ST3GAL5: variants seen among roughly 807,000 people sequenced by gnomAD.
ST3GAL5 encodes the protein ST3 beta-galactoside alpha-2,3-sialyltransferase 5.
A neutral mutation model predicts 46.1 loss-of-function variants in ST3GAL5; 25 were observed. The observed-to-expected ratio is 0.54, with a 90% CI of 0.40 to 0.76. ST3GAL5 has a LOEUF of 0.76. ST3GAL5 is among the 30% of genes least tolerant of loss of function. The pLI is 0.00. For synonymous variants in ST3GAL5, 182 were observed against 192.7 expected, an observed-to-expected ratio of 0.94 and a Z score of 0.46; for missense variants, 431 against 521.2, an observed-to-expected ratio of 0.83 and a Z score of 1.69.
intron 3 of ST3GAL5, chr2:85,855,059 A>G (rs1167975337): frequency 6.6e-6 from 1 of 152,276 alleles, no homozygotes; most frequent in Admixed American, 6.5e-5. Context: ...ATGCAAAAGG[A>G]TGACCTTGGA....
intron 1 of ST3GAL5, among the ~76,000 whole-genome samples, chr2:85,872,297 G>A (rs1193896160): frequency 6.6e-6 from 1 of 152,144 alleles, no homozygotes; most frequent in East Asian, 1.9e-4. Context: ...GTCCTTGAGG[G>A]GAGATGATGA....
chr2:85,861,658 A>AC (rs1044498551), intron 2 of ST3GAL5, among the ~76,000 whole-genome samples: 26 of 150,950 alleles, frequency 1.7e-4, no homozygotes, highest in African/African-American at 6.1e-4. Context: ...AAAAAAAAAA[A>AC]AAAAAGAAAA....
chr2:85,872,244 C>T (rs942510717), intron 1 of ST3GAL5, among the ~76,000 whole-genome samples: 7 of 152,094 alleles, frequency 4.6e-5, no homozygotes, highest in African/African-American at 1.4e-4. Context: ...GGACAAACCT[C>T]GGTCCCAATC....
chr2:85,840,624 T>G, intron 6 of ST3GAL5: 1 of 559,844 alleles, frequency 1.8e-6, no homozygotes, highest in Non-Finnish European at 3.2e-6. Context: ...AGGGGCAGCC[T>G]GACAATTCTT....
At chr2:85,844,620 A>G (rs1682550366) in intron 5 of ST3GAL5, 66 bp from the exon 6 acceptor site, 1 of 1,605,966 alleles carries the variant, frequency 6.2e-7, no homozygotes, top group Non-Finnish European at 8.5e-7. Context: ...ATTCCCACTC[A>G]TCAGACCAAG....
intron 1 of ST3GAL5, among the ~76,000 whole-genome samples, chr2:85,870,942 CAT>C (rs1685855328): frequency 6.6e-6 from 1 of 151,902 alleles, no homozygotes; most frequent in African/African-American, 2.4e-5. Flanking sequence ...TGGAATCCTA[CAT>C]GTTTATGGAA....
chr2:85,860,031 T>C (rs1423512530), intron 3 of ST3GAL5, among the ~76,000 whole-genome samples: 1 of 152,192 alleles, frequency 6.6e-6, no homozygotes, highest in Non-Finnish European at 1.5e-5. Context: ...CAAGCCGGGC[T>C]TCACCACGTA....
chr2:85,864,468 C>T (rs1685061355), intron 1 of ST3GAL5, among the ~76,000 whole-genome samples: 1 of 151,814 alleles, frequency 6.6e-6, no homozygotes, highest in African/African-American at 2.4e-5. Context: ...CTTACTAAAC[C>T]TGGGAGATGG....
rs190297485 is a variant in ST3GAL5, at chr2:85,837,729, A to C, written c.*2415T>G. 3 of 152,338 alleles carry C rather than the reference A, an allele frequency of 2.0e-5. No individual in the cohort carries two copies. The highest frequency in any genetic ancestry group is 7.2e-5 in the African/African-American group (3 of 41,580). 9.4% of individuals were successfully genotyped at this position (152,338 alleles called of 1,614,324 possible). A position where few individuals can be genotyped will look rare whatever the true frequency, so the allele number is the denominator to read the frequency against. ...TGTATCAATCAAAAATTAAAATTAA[A>C]AAACCCTAAAACTGAAATTTTCTGC... is the stretch of plus-strand genomic sequence containing the variant. On this transcript the variant is annotated 3_prime_UTR_variant, in exon 7 of 7. Transcript: ENST00000638572.
At chr2:85,863,873 A>T (rs1684993653) in intron 1 of ST3GAL5, among the ~76,000 whole-genome samples, 1 of 151,948 alleles carries the variant, frequency 6.6e-6, no homozygotes, top group South Asian at 2.1e-4. Flanking sequence ...ATGCCAGGCT[A>T]ATTTTTGTAT....
chr2:85,844,127 G>A (rs1682475594), intron 6 of ST3GAL5, among the ~76,000 whole-genome samples: 1 of 152,132 alleles, frequency 6.6e-6, no homozygotes, highest in Non-Finnish European at 1.5e-5. Flanking sequence ...ATGGAGTCCT[G>A]GAGTAAGAAT....
rs972221568 is a variant in ST3GAL5 at position 85,888,780 on chromosome 2, C to A, written c.82+44G>T. ...GACAAGTCGCCGCCGCAGCCCCCAG[C>A]CCGCGGGCCCCCGCGACGCCGAGGA... is the stretch of plus-strand genomic sequence containing the variant. On this transcript the variant is annotated intron_variant, in intron 1 of 6. Coordinates refer to ENST00000638572, the MANE Select transcript of ST3GAL5 (RefSeq NM_003896.4). 4.2e-5 allele frequency: 49 copies of A among 1,174,364 alleles called. No individual in the cohort carries two copies. The African/African-American group carries it at 7.3e-4, about 17-fold the overall frequency. The allele number at this position is 1,174,364 out of a possible 1,614,324, so 72.7% of individuals were successfully genotyped here.
At chr2:85,870,254 A>G (rs1324402420) in intron 1 of ST3GAL5, 1 of 470,222 alleles carries the variant, frequency 2.1e-6, no homozygotes, top group African/African-American at 2.0e-5. Context: ...CTGTCTTCAC[A>G]GTGCCTAGGA....
chr2:85,840,451 T>C, intron 6 of ST3GAL5, 59 bp from the exon 7 acceptor site: 2 of 1,588,910 alleles, frequency 1.3e-6, no homozygotes, highest in Non-Finnish European at 8.6e-7. Flanking sequence ...AGTCACCATT[T>C]TGCTGGTATT....
intron 1 of ST3GAL5, among the ~76,000 whole-genome samples, chr2:85,873,975 C>G (rs1686242869): frequency 6.6e-6 from 1 of 152,172 alleles, no homozygotes; most frequent in African/African-American, 2.4e-5. Flanking sequence ...TTTCTCACAG[C>G]TGGAGGAAAG....
At chr2:85,878,330 G>T (rs1009512876) in intron 1 of ST3GAL5, among the ~76,000 whole-genome samples, 26 of 152,250 alleles carry the variant, frequency 1.7e-4, no homozygotes, top group African/African-American at 6.0e-4. Context: ...TTAACATTCT[G>T]GTCTGTATTC....
intron 3 of ST3GAL5, chr2:85,860,914 G>T: frequency 2.2e-6 from 1 of 454,708 alleles, no homozygotes; most frequent in South Asian, 2.4e-5. Context: ...TTAATTCCAG[G>T]AGAGGAGCCC....
rs1681799926 is a variant in ST3GAL5 at position 85,839,883 on chromosome 2, A to G, written c.*261T>C. Reference sequence around the variant, plus strand: ...TCTTAAAAATCAATACAACATCGTTACATACAATTCTCTTTGAGAAGTCTT... The same window carrying G: ...TCTTAAAAATCAATACAACATCGTTGCATACAATTCTCTTTGAGAAGTCTT... On this transcript the variant is annotated 3_prime_UTR_variant, in exon 7 of 7. Coordinates refer to ENST00000638572, the MANE Select transcript of ST3GAL5 (RefSeq NM_003896.4). 1 of 523,494 alleles carries G rather than the reference A, an allele frequency of 1.9e-6. No individual in the cohort carries two copies. 32.4% of individuals were successfully genotyped at this position (523,494 alleles called of 1,614,324 possible).
chr2:85,861,154 T>C, intron 3 of ST3GAL5, 27 bp downstream of exon 3: 1 of 1,433,080 alleles, frequency 7.0e-7, no homozygotes, highest in Non-Finnish European at 9.8e-7. Context: ...ATGTTTTCAT[T>C]TAAACCACAC....
Sources: allele counts gnomAD v4.1 joint callset (sites outside exome capture counted in the v4.1 genomes callset), GRCh38; gene constraint gnomAD v4.1.1; transcripts MANE v1.5; gene names NCBI Gene and HGNC (gene_info 2026-07-23, HGNC 2026-07-21).